The following RNF115 variants were observed in gnomAD, a reference collection of about 807,000 sequenced individuals.
The protein encoded by RNF115 is E3 ubiquitin-protein ligase RNF115.
Under a neutral mutation model 39.2 loss-of-function variants are expected in RNF115, and 31 were observed. The ratio of observed to expected loss-of-function variants is 0.79; its 90% CI spans 0.59 to 1.07. The LOEUF (loss-of-function observed/expected upper bound fraction) is 1.07, where lower values mean the gene tolerates loss of function less well. RNF115 is among the 50% of genes least tolerant of loss of function. The pLI is 0.00. For synonymous variants in RNF115, 124 were observed against 131.0 expected (o/e 0.95, Z 0.37); for missense variants, 384 against 381.7 (o/e 1.01, Z -0.05).
intron 2 of RNF115, 117 bp downstream of exon 2, chr1:145,788,791 C>A (rs1553718501): frequency 1.3e-6 from 1 of 782,296 alleles, no homozygotes; most frequent in Admixed American, 1.9e-5. Flanking sequence ...CTCTCTCTCA[C>A]TCTCGCTCTC....
chr1:145,739,513 G>A lies in RNF115; in HGVS notation c.*7353C>T, dbSNP rs943641251. 1 of 152,090 alleles carries A rather than the reference G, an allele frequency of 6.6e-6. No homozygotes were observed. The highest frequency in any genetic ancestry group is 6.6e-5 in the Admixed American group (1 of 15,262). The allele number at this position is 152,090 out of a possible 1,614,324, so 9.4% of individuals were successfully genotyped here. A position where few individuals can be genotyped will look rare whatever the true frequency, so the allele number is the denominator to read the frequency against. On this transcript the variant is annotated 3_prime_UTR_variant, in exon 9 of 9. Coordinates refer to ENST00000582693, the MANE Select transcript of RNF115 (RefSeq NM_014455.4). Reference sequence around the variant, plus strand: ...TGGAGATAAAAGGACTAGCCATGGAGGCAAAAAGACCTGGATTCAAATTCT... The same window carrying A: ...TGGAGATAAAAGGACTAGCCATGGAAGCAAAAAGACCTGGATTCAAATTCT...
At position 145,750,444 on chromosome 1, in the gene RNF115, T is replaced by C; in HGVS notation, c.630A>G (p.Thr210=). The part of the protein sequence containing the change: ...GPPPADKEKI[T]SLPTVTVTQE... The stretch of plus-strand genomic sequence containing the variant: ...GAGTTACTGTCACTGTTGGAAGAGA[T>C]GTGATCTTTTCCTTGTCAGCTGGGG... The change falls in exon 7 of 9, where the codon ACA becomes ACG. Residue 210 remains threonine, a synonymous_variant. Transcript: ENST00000582693. The C allele has an allele frequency of 6.2e-7, 1 of 1,614,014 alleles. No homozygotes were observed. Among genetic ancestry groups the C allele is most frequent in the Non-Finnish European group, 8.5e-7 (1 of 1,179,920 alleles).
intron 8 of RNF115, 119 bp from the exon 9 acceptor site, chr1:145,747,116 A>AATAGAGAATGCATCCTC (rs1553711850): frequency 9.8e-7 from 1 of 1,015,554 alleles, no homozygotes; most frequent in African/African-American, 1.6e-5. Context: ...ACAGAAAAAC[A>AATAGAGAATGCATCCTC]ATAGAGAATG....
In RNF115 at chr1:145,740,732, ATAAAT is replaced by A. The variant is rs1657665614; in HGVS notation, c.*6129_*6133del. On this transcript the variant is annotated 3_prime_UTR_variant, in exon 9 of 9. Coordinates refer to ENST00000582693, the MANE Select transcript of RNF115 (RefSeq NM_014455.4). ...TTGGATGTAGATTCTGGTGTGACTA[ATAAAT>A]TAACTTAAAAGCATTACTGAAATCA... 1 of 152,238 alleles carries A rather than the reference ATAAAT, an allele frequency of 6.6e-6. No individual in the cohort carries two copies. The highest frequency in any genetic ancestry group is 6.5e-5 in the Admixed American group (1 of 15,284). 9.4% of individuals were successfully genotyped at this position (152,238 alleles called of 1,614,324 possible).
intron 4 of RNF115, among the ~76,000 whole-genome samples, 200 bp downstream of exon 4, chr1:145,771,511 T>A (rs1647636930): frequency 6.6e-6 from 1 of 152,196 alleles, no homozygotes; most frequent in South Asian, 2.1e-4. Flanking sequence ...AAAATGTTAA[T>A]CAGAGACATA....
chr1:145,795,016 CAAAAAAAA>C (rs782249648), intron 1 of RNF115, among the ~76,000 whole-genome samples: 13 of 78,300 alleles, frequency 1.7e-4, no homozygotes, highest in East Asian at 4.4e-4. Flanking sequence ...GACTCCATTT[CAAAAAAAA>C]AAAAAAAAAA....
Position 145,743,812 on chromosome 1 carries a change from A to AAAT in RNF115, c.*3051_*3053dup, listed in dbSNP as rs56041636. Reference sequence around the variant, plus strand: ...TAAATAAATAAATAAATAAATAAATAAATAATAATAATAATAATAATAAAT... The same window carrying AAAT: ...TAAATAAATAAATAAATAAATAAATAAATAATAATAATAATAATAATAATAAAT... On this transcript the variant is annotated 3_prime_UTR_variant, in exon 9 of 9. Coordinates refer to ENST00000582693, the MANE Select transcript of RNF115 (RefSeq NM_014455.4). The AAAT allele has an allele frequency of 3.5e-5, 5 of 144,006 alleles. No homozygotes were observed. The highest frequency in any genetic ancestry group is 7.7e-5 in the African/African-American group (3 of 39,042). The allele number at this position is 144,006 out of a possible 1,614,324, so 8.9% of individuals were successfully genotyped here. A position where few individuals can be genotyped will look rare whatever the true frequency, so the allele number is the denominator to read the frequency against.
In RNF115 at chr1:145,787,838, G is replaced by A. The variant is rs587697051; in HGVS notation, c.161+1070C>T. ...TGGGAGGCAGAGGTTGCAGTGAGCC[G>A]AGATCGAACCACTGCACTCCAATCT... On this transcript the variant is annotated intron_variant, in intron 2 of 8. Coordinates refer to ENST00000582693, the MANE Select transcript of RNF115 (RefSeq NM_014455.4). 8.6e-5 allele frequency among the ~76,000 whole-genome samples: 13 copies of A among 151,624 alleles called. 1 individual carries two copies. The East Asian group carries it at 1.9e-3, about 23-fold the overall frequency.
chr1:145,750,212 T>G (rs1553712263), intron 7 of RNF115, among the ~76,000 whole-genome samples, 195 bp downstream of exon 7: 1 of 152,200 alleles, frequency 6.6e-6, no homozygotes, highest in East Asian at 1.9e-4. Context: ...CTTTCCAGAT[T>G]TGGCACCCAG....
chr1:145,805,896 T>G (rs1354747439), intron 1 of RNF115, among the ~76,000 whole-genome samples: 16 of 152,026 alleles, frequency 1.1e-4, no homozygotes. Context: ...TATAATTAAT[T>G]AAAATAAATA....
chr1:145,762,249 T>C lies in RNF115; in HGVS notation c.429-9200A>G, dbSNP rs587624014. On this transcript the variant is annotated intron_variant, in intron 4 of 8. Transcript: ENST00000582693. Reference sequence around the variant, plus strand: ...ACTTTGGGGGACTGCTGGGAATGCATGACTGGTTTTGAAATGTGAAGACAT... The same window carrying C: ...ACTTTGGGGGACTGCTGGGAATGCACGACTGGTTTTGAAATGTGAAGACAT... Among the ~76,000 whole-genome samples, 63 of 152,294 alleles carry C rather than the reference T, an allele frequency of 4.1e-4. 1 individual carries two copies. The South Asian group carries it at 0.013, about 31-fold the overall frequency.
chr1:145,823,932 T>C lies in RNF115; in HGVS notation c.-59A>G. ...GCCGGCCCGTCCCTCGCCAGGCCGC[T>C]ACCTCCCGAGCTGCAGTCGTCGCCG... On this transcript the variant is annotated 5_prime_UTR_variant, in exon 1 of 9. Transcript: ENST00000582693. The C allele has an allele frequency of 7.9e-7, 1 of 1,270,064 alleles. No individual in the cohort carries two copies. The highest frequency in any genetic ancestry group is 1.0e-6 in the Non-Finnish European group (1 of 955,428). The allele number at this position is 1,270,064 out of a possible 1,614,324, so 78.7% of individuals were successfully genotyped here. A position where few individuals can be genotyped will look rare whatever the true frequency, so the allele number is the denominator to read the frequency against.
intron 3 of RNF115, among the ~76,000 whole-genome samples, chr1:145,774,920 T>G (rs782469843): frequency 6.6e-6 from 1 of 152,154 alleles, no homozygotes; most frequent in Non-Finnish European, 1.5e-5. Flanking sequence ...TACAGAAAAT[T>G]TGCTGAACTC....
chr1:145,794,744 G>A (rs879953320), intron 1 of RNF115, among the ~76,000 whole-genome samples: 3 of 151,718 alleles, frequency 2.0e-5, no homozygotes, highest in Admixed American at 6.6e-5. Flanking sequence ...CTGACCAGGC[G>A]CAGTAGCTCA....
Position 145,776,164 on chromosome 1 carries a change from AT to A in RNF115, c.220-4246del, listed in dbSNP as rs35710154. On this transcript the variant is annotated intron_variant, in intron 3 of 8. Coordinates refer to ENST00000582693, the MANE Select transcript of RNF115 (RefSeq NM_014455.4). ...TACATTTACCCCTACTCTGACCAAC[AT>A]TTTTTTTTTTTTTTTTTGAGAAGGA... Among the ~76,000 whole-genome samples the A allele has an allele frequency of 1.1e-3, 130 of 121,758 alleles. 1 individual carries two copies. Among genetic ancestry groups the A allele is most frequent in the Admixed American group, 3.4e-3 (38 of 11,204 alleles). 79.9% of individuals were successfully genotyped at this position (121,758 alleles called of 152,430 possible).
At chr1:145,780,378 T>C (rs1553717164) in intron 3 of RNF115, among the ~76,000 whole-genome samples, 1 of 152,134 alleles carries the variant, frequency 6.6e-6, no homozygotes, top group Non-Finnish European at 1.5e-5. Flanking sequence ...CCCAGCACTT[T>C]GGGAGACCAA....
chr1:145,793,512 C>T (rs1179254879), intron 1 of RNF115, among the ~76,000 whole-genome samples: 1 of 151,972 alleles, frequency 6.6e-6, no homozygotes, highest in Non-Finnish European at 1.5e-5. Flanking sequence ...ATTCCTATTG[C>T]TTTAAATCTC....
At chr1:145,760,540 G>T (rs1553713693) in intron 4 of RNF115, among the ~76,000 whole-genome samples, 2 of 152,086 alleles carry the variant, frequency 1.3e-5, no homozygotes, top group African/African-American at 4.8e-5. Flanking sequence ...CATGAGATCT[G>T]ATGGGTTTAT....
Position 145,741,216 on chromosome 1 carries a change from G to C in RNF115, c.*5650C>G, listed in dbSNP as rs587638529. ...AAAGAATCACAGGCTTACATCCTAT[G>C]ATCACAGATCTAAGTGTTCTGGTTG... On this transcript the variant is annotated 3_prime_UTR_variant, in exon 9 of 9. Transcript: ENST00000582693. 6.6e-6 allele frequency: 1 copy of C among 152,260 alleles called. No homozygotes were observed. The highest frequency in any genetic ancestry group is 2.1e-4 in the South Asian group (1 of 4,822). 9.4% of individuals were successfully genotyped at this position (152,260 alleles called of 1,614,324 possible).
Sources: gnomAD v4.1 joint callset for allele counts (sites outside exome capture counted in the v4.1 genomes callset) on GRCh38, gnomAD v4.1.1 for gene constraint, MANE v1.5 for transcripts, NCBI Gene and HGNC (gene_info 2026-07-23, HGNC 2026-07-21) for gene names.